TMTC1: variants seen among roughly 807,000 people sequenced by gnomAD.
TMTC1 encodes the protein transmembrane O-mannosyltransferase targeting cadherins 1, also known as protein O-mannosyl-transferase TMTC1.
Under a neutral mutation model 104.8 loss-of-function variants are expected in TMTC1, and 73 were observed. That is an observed-to-expected ratio of 0.70 (90% CI 0.58 to 0.85). The LOEUF (loss-of-function observed/expected upper bound fraction) is 0.85, where lower values mean the gene tolerates loss of function less well. Ranked by LOEUF, TMTC1 falls within the 40% of genes least tolerant of loss-of-function variation. TMTC1 has a pLI of 0.00. For synonymous variants in TMTC1, 434 were observed against 428.7 expected (o/e 1.01, Z -0.15); for missense variants, 1,035 against 1,096.1 (o/e 0.94, Z 0.79).
intron 5 of TMTC1, among the ~76,000 whole-genome samples, chr12:29,742,235 C>T (rs1273216193): frequency 6.6e-6 from 1 of 152,166 alleles, no homozygotes; most frequent in African/African-American, 2.4e-5. Flanking sequence ...TTCCATCCAA[C>T]TCTGGCTGGC....
At chr12:29,606,033 G>A (rs950253995) in intron 6 of TMTC1, among the ~76,000 whole-genome samples, 3 of 152,196 alleles carry the variant, frequency 2.0e-5, no homozygotes, top group Admixed American at 1.3e-4. Flanking sequence ...TGCAGCAAAA[G>A]ACATGATTTT....
chr12:29,542,258 C>T (rs1465586112), intron 10 of TMTC1, among the ~76,000 whole-genome samples: 1 of 152,102 alleles, frequency 6.6e-6, no homozygotes, highest in Middle Eastern at 3.2e-3. Context: ...TTTAAGAACT[C>T]ATGTGATACT....
At chr12:29,713,902 G>A (rs181408185) in intron 5 of TMTC1, among the ~76,000 whole-genome samples, 2 of 152,188 alleles carry the variant, frequency 1.3e-5, no homozygotes, top group East Asian at 1.9e-4. Context: ...TGGTCATGAG[G>A]GTGGGGCCCT....
intron 15 of TMTC1, 54 bp downstream of exon 15, chr12:29,516,295 C>T (rs1303615168): frequency 1.2e-5 from 18 of 1,562,308 alleles, no homozygotes; most frequent in South Asian, 3.5e-5. Flanking sequence ...CACTTAGGTG[C>T]ACCCCATGTT....
At chr12:29,728,130 G>A (rs1379928065) in intron 5 of TMTC1, among the ~76,000 whole-genome samples, 1 of 152,206 alleles carries the variant, frequency 6.6e-6, no homozygotes, top group East Asian at 1.9e-4. Context: ...ATGACATAAT[G>A]TAGTATCTTA....
chr12:29,661,180 T>C (rs1940005503), intron 5 of TMTC1: 2 of 190,136 alleles, frequency 1.1e-5, no homozygotes, highest in Admixed American at 6.5e-5. Flanking sequence ...TGAGATAATA[T>C]CTAGAACAGG....
intron 5 of TMTC1, among the ~76,000 whole-genome samples, chr12:29,678,562 G>A (rs1349714830): frequency 1.3e-5 from 2 of 152,130 alleles, no homozygotes; most frequent in Non-Finnish European, 2.9e-5. Context: ...GTAGAGATGA[G>A]GTGCCACTAA....
intron 10 of TMTC1, among the ~76,000 whole-genome samples, chr12:29,552,157 C>T (rs1022609242): frequency 6.6e-6 from 1 of 152,126 alleles, no homozygotes; most frequent in Admixed American, 6.6e-5. Flanking sequence ...TAATAAACAT[C>T]TGTGTTGTAC....
At chr12:29,697,832 G>A (rs752117161) in intron 5 of TMTC1, among the ~76,000 whole-genome samples, 10 of 152,150 alleles carry the variant, frequency 6.6e-5, no homozygotes, top group Non-Finnish European at 1.5e-4. Context: ...ATATTACCAA[G>A]GACAATCCAC....
intron 6 of TMTC1, among the ~76,000 whole-genome samples, chr12:29,618,252 AAC>A (rs1295721273): frequency 6.6e-6 from 1 of 152,230 alleles, no homozygotes; most frequent in Non-Finnish European, 1.5e-5. Flanking sequence ...CTATTGAGGC[AAC>A]ACACTGAATG....
At chr12:29,667,517 T>C (rs1037105185) in intron 5 of TMTC1, among the ~76,000 whole-genome samples, 2 of 152,194 alleles carry the variant, frequency 1.3e-5, no homozygotes, top group African/African-American at 4.8e-5. Flanking sequence ...TTCAGTTCTC[T>C]TAACCATTCT....
rs909352704 is a variant in TMTC1, at chr12:29,644,712, G to A, written c.939-11376C>T. Among the ~76,000 whole-genome samples, 4 of 152,054 alleles carry A rather than the reference G, an allele frequency of 2.6e-5. No individual in the cohort carries two copies. The South Asian group carries it at 8.3e-4, about 32-fold the overall frequency. On this transcript the variant is annotated intron_variant, in intron 5 of 17. Coordinates refer to ENST00000539277, the MANE Select transcript of TMTC1 (RefSeq NM_001193451.2). ...CACCCTCTGCTCAGGGGCTTCTTGT[G>A]CTTGTTCATAATGGAGGCTGAGTGT...
At chr12:29,711,848 A>G (rs1334218454) in intron 5 of TMTC1, among the ~76,000 whole-genome samples, 1 of 151,906 alleles carries the variant, frequency 6.6e-6, no homozygotes, top group Non-Finnish European at 1.5e-5. Context: ...TACTAAAAAT[A>G]CAAAAAAAAT....
intron 5 of TMTC1, among the ~76,000 whole-genome samples, chr12:29,702,363 T>C (rs748050201): frequency 9.9e-5 from 15 of 152,214 alleles, no homozygotes; most frequent in Non-Finnish European, 1.9e-4. Context: ...CAGATGGGGA[T>C]AGATCACTCC....
intron 5 of TMTC1, among the ~76,000 whole-genome samples, chr12:29,682,328 G>A (rs1032259285): frequency 1.7e-4 from 26 of 152,172 alleles, no homozygotes; most frequent in East Asian, 5.8e-4. Context: ...GTTTGGCAGC[G>A]TCTTAAAAAG....
At chr12:29,655,606 A>G (rs779901240) in intron 5 of TMTC1, among the ~76,000 whole-genome samples, 3 of 152,188 alleles carry the variant, frequency 2.0e-5, no homozygotes, top group Non-Finnish European at 2.9e-5. Context: ...TTTTGTTCCC[A>G]TGTCTTAGAA....
intron 5 of TMTC1, among the ~76,000 whole-genome samples, chr12:29,701,604 C>T (rs1331731887): frequency 1.3e-5 from 2 of 152,186 alleles, no homozygotes; most frequent in Non-Finnish European, 2.9e-5. Flanking sequence ...ACTAGCTTTC[C>T]CCTAGTAAAT....
chr12:29,725,776 T>C (rs1295144562), intron 5 of TMTC1, among the ~76,000 whole-genome samples: 1 of 152,246 alleles, frequency 6.6e-6, no homozygotes, highest in East Asian at 1.9e-4. Flanking sequence ...GCTACAACAT[T>C]CAATCTTCTA....
At chr12:29,774,173 T>A (rs1943656534) in intron 1 of TMTC1, among the ~76,000 whole-genome samples, 1 of 152,164 alleles carries the variant, frequency 6.6e-6, no homozygotes, top group Non-Finnish European at 1.5e-5. Context: ...TGAGTCCCAG[T>A]GGTTCTCAAC....
Sources: allele counts gnomAD v4.1 joint callset (sites outside exome capture counted in the v4.1 genomes callset), GRCh38; gene constraint gnomAD v4.1.1; transcripts MANE v1.5; gene names NCBI Gene and HGNC (gene_info 2026-07-23, HGNC 2026-07-21).